Variants in MYO5B observed in about 807,000 individuals in gnomAD.
The protein encoded by MYO5B is unconventional myosin-Vb.
Under a neutral mutation model 229.3 loss-of-function variants are expected in MYO5B, and 143 were observed. The observed-to-expected ratio is 0.62, with a 90% CI of 0.54 to 0.72. The LOEUF (loss-of-function observed/expected upper bound fraction) is 0.72, where lower values mean the gene tolerates loss of function less well. Ranked by LOEUF, MYO5B falls within the 30% of genes least tolerant of loss-of-function variation. The probability of loss-of-function intolerance (pLI) is 0.00; values close to 1 mark genes in which losing one functional copy is unlikely to be tolerated. For missense variants in MYO5B, 2,321 were observed against 2,331.0 expected (o/e 1.00, Z 0.09); for synonymous variants, 918 against 885.2 (o/e 1.04, Z -0.66).
chr18:50,068,954 G>A (rs1319773698), intron 1 of MYO5B, among the ~76,000 whole-genome samples: 1 of 152,058 alleles, frequency 6.6e-6, no homozygotes, highest in African/African-American at 2.4e-5. Context: ...AAAGTTTGTG[G>A]CTCAACAGAT....
intron 26 of MYO5B, among the ~76,000 whole-genome samples, chr18:49,873,473 C>T (rs72642499): frequency 0.12 from 18,656 of 152,238 alleles, 1,390 homozygotes; most frequent in East Asian, 0.27. Context: ...CCTACAGTTA[C>T]CGCACTGTTT....
chr18:50,154,778 G>A (rs903292548), intron 1 of MYO5B, among the ~76,000 whole-genome samples: 2 of 152,200 alleles, frequency 1.3e-5, no homozygotes, highest in African/African-American at 4.8e-5. Context: ...TTAGGGCCCT[G>A]GAATGAATGG....
chr18:49,927,017 G>A (rs558515427), intron 17 of MYO5B, among the ~76,000 whole-genome samples: 1 of 152,304 alleles, frequency 6.6e-6, no homozygotes, highest in African/African-American at 2.4e-5. Context: ...GGGGGAGAGA[G>A]AATAGGGAAA....
At chr18:50,037,654 C>T (rs1225895948) in intron 3 of MYO5B, among the ~76,000 whole-genome samples, 1 of 152,198 alleles carries the variant, frequency 6.6e-6, no homozygotes, top group Non-Finnish European at 1.5e-5. Flanking sequence ...AATCCCAGCA[C>T]TTTGGGATGC....
At chr18:50,060,880 T>G (rs768840576) in intron 1 of MYO5B, among the ~76,000 whole-genome samples, 6 of 152,146 alleles carry the variant, frequency 3.9e-5, no homozygotes, top group Non-Finnish European at 7.3e-5. Context: ...CCAGGTAGTG[T>G]TTTCTGAAGC....
At chr18:50,120,380 T>C (rs377533047) in intron 1 of MYO5B, among the ~76,000 whole-genome samples, 90 of 152,262 alleles carry the variant, frequency 5.9e-4, no homozygotes, top group African/African-American at 2.0e-3. Flanking sequence ...AGGTGAAACA[T>C]GGAAGGAGAT....
At chr18:49,878,847 G>T in intron 24 of MYO5B, 98 bp downstream of exon 24, 1 of 1,392,782 alleles carries the variant, frequency 7.2e-7, no homozygotes, top group Non-Finnish European at 1.0e-6. Context: ...CATGGACTGA[G>T]CATCACATAT....
chr18:50,000,919 G>A (rs555365479), intron 5 of MYO5B, among the ~76,000 whole-genome samples: 6 of 152,268 alleles, frequency 3.9e-5, no homozygotes, highest in South Asian at 2.1e-4. Flanking sequence ...TAAGAGTTTC[G>A]GTGGAACACT....
intron 27 of MYO5B, among the ~76,000 whole-genome samples, chr18:49,866,449 G>A (rs1050167273): frequency 1.1e-4 from 17 of 152,018 alleles, no homozygotes; most frequent in African/African-American, 3.4e-4. Flanking sequence ...CATCCATCTC[G>A]AGAACTTTTT....
At position 50,040,254 on chromosome 18, in the gene MYO5B, T is replaced by C. The variant is rs780898847; in HGVS notation, c.199A>G (p.Ile67Val). ...NQLPFLRNPDILVGENDLTAL... is the reference protein window; with the variant it reads ...NQLPFLRNPDVLVGENDLTAL... Reference sequence around the variant, plus strand: ...GTCAGGTCATTTTCTCCCACCAAGATATCTGGATTCCGTAAGAAGGGCAGC... The same window carrying C: ...GTCAGGTCATTTTCTCCCACCAAGACATCTGGATTCCGTAAGAAGGGCAGC... The change falls in exon 3 of 40, where the codon ATC becomes GTC. Residue 67 changes from isoleucine (I) to valine (V), a missense_variant. Physicochemically the swap from Ile to Val is conservative, Grantham distance 29. Coordinates refer to ENST00000285039, the MANE Select transcript of MYO5B (RefSeq NM_001080467.3). The C allele has an allele frequency of 2.5e-6, 4 of 1,614,024 alleles. No individual in the cohort carries two copies. Among genetic ancestry groups the C allele is most frequent in the Admixed American group, 1.7e-5 (1 of 60,000 alleles).
In MYO5B at chr18:49,984,732, G is replaced by T. The variant is rs1193937277; in HGVS notation, c.932C>A (p.Ala311Asp). The T allele has an allele frequency of 1.9e-6, 3 of 1,610,890 alleles. No individual in the cohort carries two copies. In the African/African-American group the frequency reaches 4.0e-5, roughly 22 times the overall value. ...AAGCTCCTTACCGAGGAGTGTGAAGGCTTGTCGAGTCTTCTCAAAGTCCTC... is the reference window on the plus strand; with the variant it reads ...AAGCTCCTTACCGAGGAGTGTGAAGTCTTGTCGAGTCTTCTCAAAGTCCTC... ...DAEDFEKTRQ[A>D]FTLLGVKESH... Residue 311 changes from alanine (A) to aspartate (D), a missense_variant, in exon 8 of 40, where the codon GCC becomes GAC. Around this residue, in one of 2 missense-constraint regions of MYO5B, gnomAD observed 2,113 missense variants for 2,044.7 expected, o/e 1.03. Transcript: ENST00000285039.
chr18:50,104,481 T>C (rs1349229294), intron 1 of MYO5B, among the ~76,000 whole-genome samples: 1 of 151,308 alleles, frequency 6.6e-6, no homozygotes, highest in African/African-American at 2.5e-5. Flanking sequence ...ACTAGTATTT[T>C]AGTTTAGAAG....
intron 5 of MYO5B, among the ~76,000 whole-genome samples, chr18:49,998,683 T>A (rs1020687818): frequency 7.2e-5 from 11 of 152,170 alleles, no homozygotes; most frequent in Admixed American, 3.3e-4. Flanking sequence ...TGTTCAATCA[T>A]GAAAAGGAGC....
intron 1 of MYO5B, among the ~76,000 whole-genome samples, chr18:50,184,890 AC>A (rs370826410): frequency 2.2e-4 from 23 of 104,272 alleles, no homozygotes; most frequent in African/African-American, 8.5e-4. Flanking sequence ...ACACACACAC[AC>A]ACAGAAAAAA....
intron 1 of MYO5B, chr18:50,063,825 C>G (rs2030751370): frequency 6.6e-6 from 1 of 152,184 alleles, no homozygotes; most frequent in African/African-American, 2.4e-5. Flanking sequence ...CATTCTATAT[C>G]TATATTTGAA....
intron 1 of MYO5B, among the ~76,000 whole-genome samples, chr18:50,187,007 C>T (rs1449571122): frequency 2.6e-5 from 4 of 152,188 alleles, no homozygotes; most frequent in Admixed American, 2.0e-4. Context: ...CAGATCCTGA[C>T]ATTTCTCCTC....
At chr18:50,184,933 T>A (rs1184255216) in intron 1 of MYO5B, among the ~76,000 whole-genome samples, 4 of 150,412 alleles carry the variant, frequency 2.7e-5, no homozygotes, top group African/African-American at 4.9e-5. Context: ...TTAAGTTAGC[T>A]GGGCATGGTG....
intron 4 of MYO5B, among the ~76,000 whole-genome samples, chr18:50,033,783 A>T (rs552168420): frequency 6.6e-6 from 1 of 152,258 alleles, no homozygotes; most frequent in East Asian, 1.9e-4. Context: ...CTTCACTGTG[A>T]ATCTGCATTC....
intron 1 of MYO5B, among the ~76,000 whole-genome samples, chr18:50,082,540 G>A (rs1173370621): frequency 2.6e-5 from 4 of 152,132 alleles, no homozygotes; most frequent in Admixed American, 6.6e-5. Flanking sequence ...GGCTATCTGC[G>A]GATTGATAAA....
Sources: allele counts gnomAD v4.1 joint callset (sites outside exome capture counted in the v4.1 genomes callset), GRCh38; gene constraint gnomAD v4.1.1; regional missense constraint gnomAD v4.1.1; transcripts MANE v1.5; gene names NCBI Gene and HGNC (gene_info 2026-07-23, HGNC 2026-07-21).